Variants in MIGA1 observed in about 807,000 individuals in gnomAD.
MIGA1 encodes the protein mitoguardin 1.
Under a neutral mutation model 82.0 loss-of-function variants are expected in MIGA1, and 58 were observed. The observed-to-expected ratio is 0.71, with a 90% CI of 0.57 to 0.88. MIGA1 has a LOEUF of 0.88. Among genes scored for constraint, MIGA1 ranks in the 40% least tolerant of loss-of-function variants. MIGA1 has a pLI of 0.00. For missense variants in MIGA1, 751 were observed against 749.1 expected (o/e 1.00, Z -0.03); for synonymous variants, 249 against 253.6 (o/e 0.98, Z 0.17).
intron 7 of MIGA1, among the ~76,000 whole-genome samples, chr1:77,840,874 G>A (rs1283490850): frequency 6.6e-6 from 1 of 152,092 alleles, no homozygotes; most frequent in Non-Finnish European, 1.5e-5. Context: ...ATGACATAAT[G>A]AAAATTGTAA....
intron 8 of MIGA1, among the ~76,000 whole-genome samples, chr1:77,844,430 G>C (rs1684763335): frequency 6.6e-6 from 1 of 151,858 alleles, no homozygotes; most frequent in African/African-American, 2.4e-5. Flanking sequence ...TATATAGGCA[G>C]AGGAAAAAAG....
At position 77,803,356 on chromosome 1, in the gene MIGA1, A is replaced by G. The variant is rs1219096043; in HGVS notation, c.460A>G (p.Asn154Asp). Residue 154 changes from asparagine (N) to aspartate (D), a missense_variant, in exon 4 of 16, where the codon AAT (asparagine) becomes GAT (aspartate). Physicochemically the swap from Asn to Asp is conservative, Grantham distance 23. Coordinates refer to ENST00000370791, the MANE Select transcript of MIGA1 (RefSeq NM_198549.4). The stretch of plus-strand genomic sequence containing the variant: ...AGGATCTCAAGTTTGTAACTATGCT[A>G]ATGGAGGACTTTTCAGTAAATATTC... 4 of 1,566,720 alleles carry G rather than the reference A, an allele frequency of 2.6e-6. No individual in the cohort carries two copies. In the East Asian group the frequency reaches 9.3e-5, roughly 36 times the overall value.
At chr1:77,849,775 G>A (rs973131315) in intron 8 of MIGA1, among the ~76,000 whole-genome samples, 3 of 152,102 alleles carry the variant, frequency 2.0e-5, no homozygotes, top group African/African-American at 7.2e-5. Flanking sequence ...TGGTGCTCAC[G>A]CCTGTAATCC....
chr1:77,855,605 G>A (rs1685221004), intron 8 of MIGA1, among the ~76,000 whole-genome samples: 1 of 151,840 alleles, frequency 6.6e-6, no homozygotes, highest in South Asian at 2.1e-4. Context: ...GAGGTCTTTG[G>A]ACTCCTTGGT....
At chr1:77,786,594 A>G (rs979805697) in intron 2 of MIGA1, among the ~76,000 whole-genome samples, 1 of 152,132 alleles carries the variant, frequency 6.6e-6, no homozygotes, top group Non-Finnish European at 1.5e-5. Context: ...CTCAAGTTCA[A>G]TGTTTCACAG....
rs762304055 is a variant in MIGA1, at chr1:77,874,884, T to A, written c.1719T>A (p.Phe573Leu). The A allele has an allele frequency of 8.8e-5, 142 of 1,613,970 alleles. No individual in the cohort carries two copies. Among genetic ancestry groups the A allele is most frequent in the Middle Eastern group, 3.3e-4 (2 of 6,084 alleles). ...TATTTCTCAAAGACATTTTTGACTTTGAGAAGGTGCGCTATTCAAGTACAG... is the reference window on the plus strand; with the variant it reads ...TATTTCTCAAAGACATTTTTGACTTAGAGAAGGTGCGCTATTCAAGTACAG... Residue 573 changes from phenylalanine to leucine, a missense_variant, in exon 16 of 16, where the codon TTT (phenylalanine) becomes TTA (leucine). Transcript: ENST00000370791.
At chr1:77,781,988 A>G (rs796926206) in intron 1 of MIGA1, among the ~76,000 whole-genome samples, 10 of 151,876 alleles carry the variant, frequency 6.6e-5, no homozygotes, top group African/African-American at 2.4e-4. Flanking sequence ...TGTAGCAAAT[A>G]ATTTTTTTTT....
intron 4 of MIGA1, 152 bp from the exon 5 acceptor site, chr1:77,806,823 A>AT (rs1448787298): frequency 3.9e-6 from 2 of 511,996 alleles, no homozygotes; most frequent in Non-Finnish European, 6.8e-6. Flanking sequence ...TCTAAGTTTG[A>AT]TTGATTATCA....
chr1:77,815,725 A>T (rs1324297447), intron 7 of MIGA1, among the ~76,000 whole-genome samples: 5 of 152,110 alleles, frequency 3.3e-5, no homozygotes, highest in South Asian at 4.1e-4. Context: ...GATACTTTTT[A>T]AAAAGTTTTT....
chr1:77,801,189 C>T lies in MIGA1; in HGVS notation c.196-142C>T, dbSNP rs1682866485. 3 of 550,802 alleles carry T rather than the reference C, an allele frequency of 5.4e-6. No individual in the cohort carries two copies. The South Asian group carries it at 1.0e-4, about 19-fold the overall frequency. 34.1% of individuals were successfully genotyped at this position (550,802 alleles called of 1,614,324 possible). On this transcript the variant is annotated intron_variant, in intron 2 of 15. Coordinates refer to ENST00000370791, the MANE Select transcript of MIGA1 (RefSeq NM_198549.4). ...TTTTTAAAAAATCAAATTGGGCTAG[C>T]TTGTCATTGAAAGAGTGAAATGATA...
rs1253329198 is a variant in MIGA1, at chr1:77,878,452, A to G, written c.*3388A>G. Reference sequence around the variant, plus strand: ...ATGTAACGGTTTCCATTTGCCTTAAAATTGGGTTAAATAGCAAAAGCAATG... The same window carrying G: ...ATGTAACGGTTTCCATTTGCCTTAAGATTGGGTTAAATAGCAAAAGCAATG... On this transcript the variant is annotated 3_prime_UTR_variant, in exon 16 of 16. Coordinates refer to ENST00000370791, the MANE Select transcript of MIGA1 (RefSeq NM_198549.4). The G allele has an allele frequency of 2.5e-5, 4 of 159,550 alleles. No homozygotes were observed. The highest frequency in any genetic ancestry group is 9.6e-5 in the African/African-American group (4 of 41,482). 9.9% of individuals were successfully genotyped at this position (159,550 alleles called of 1,614,324 possible). A position where few individuals can be genotyped will look rare whatever the true frequency, so the allele number is the denominator to read the frequency against.
rs566333140 is a variant in MIGA1, at chr1:77,873,315, G to A, written c.1680+195G>A. ...TTTATAATACCACTATTATTATAATGGACCAGTATTTTATAGATTTGGTGC... is the reference window on the plus strand; with the variant it reads ...TTTATAATACCACTATTATTATAATAGACCAGTATTTTATAGATTTGGTGC... On this transcript the variant is annotated intron_variant, in intron 15 of 15. Transcript: ENST00000370791. Among the ~76,000 whole-genome samples, 6 of 152,208 alleles carry A rather than the reference G, an allele frequency of 3.9e-5. No individual in the cohort carries two copies. The South Asian group carries it at 1.0e-3, about 26-fold the overall frequency.
chr1:77,786,223 T>A lies in MIGA1; in HGVS notation c.195+2872T>A, dbSNP rs956346563. On this transcript the variant is annotated intron_variant, in intron 2 of 15. Transcript: ENST00000370791. The stretch of plus-strand genomic sequence containing the variant: ...GCTGGGATGCAGGGCACCAAGTCCC[T>A]AGGCTGCACACAGCACGGGGACACT... Among the ~76,000 whole-genome samples the A allele has an allele frequency of 1.4e-4, 21 of 152,328 alleles. No individual in the cohort carries two copies. In the South Asian group the frequency reaches 2.3e-3, roughly 17 times the overall value.
At chr1:77,794,165 G>C (rs1682557789) in intron 2 of MIGA1, among the ~76,000 whole-genome samples, 1 of 152,072 alleles carries the variant, frequency 6.6e-6, no homozygotes, top group Non-Finnish European at 1.5e-5. Flanking sequence ...TGTATGCTTT[G>C]TATTAACATC....
chr1:77,872,632 C>T (rs1047017377), intron 14 of MIGA1, among the ~76,000 whole-genome samples: 17 of 152,102 alleles, frequency 1.1e-4, no homozygotes, highest in African/African-American at 4.1e-4. Context: ...AGAAATGTGT[C>T]TCAGCACATA....
rs781641875 is a variant in MIGA1, at chr1:77,858,948, A to G, written c.1007A>G (p.His336Arg). Reference sequence around the variant, plus strand: ...CCACCGTGCTCTTAGCTTGCAGAACACAGAGAAGTACGGCATACCTACAGC... The same window carrying G: ...CCACCGTGCTCTTAGCTTGCAGAACGCAGAGAAGTACGGCATACCTACAGC... Residue 336 changes from histidine to arginine, a missense_variant, in exon 9 of 16, where the codon CAC becomes CGC. Physicochemically the swap from His to Arg is conservative, Grantham distance 29 (BLOSUM62 0). Around this residue, in one of 3 missense-constraint regions of MIGA1, gnomAD observed 482 missense variants for 439.4 expected, o/e 1.10. Transcript: ENST00000370791. The G allele has an allele frequency of 9.2e-5, 148 of 1,608,518 alleles. No homozygotes were observed. Among genetic ancestry groups the G allele is most frequent in the Non-Finnish European group, 1.2e-4 (141 of 1,175,064 alleles).
intron 7 of MIGA1, among the ~76,000 whole-genome samples, chr1:77,831,798 G>T (rs1366442131): frequency 6.6e-6 from 1 of 152,182 alleles, no homozygotes; most frequent in Non-Finnish European, 1.5e-5. Context: ...TGCCAGTTTA[G>T]AAATAAACTG....
intron 15 of MIGA1, among the ~76,000 whole-genome samples, chr1:77,874,154 C>T (rs560196293): frequency 3.6e-4 from 55 of 152,116 alleles, no homozygotes; most frequent in African/African-American, 1.2e-3. Flanking sequence ...TCCTGTTTTT[C>T]GCTCTTTGAA....
At chr1:77,841,454 G>A (rs952628464) in intron 7 of MIGA1, among the ~76,000 whole-genome samples, 6 of 149,760 alleles carry the variant, frequency 4.0e-5, no homozygotes, top group African/African-American at 9.8e-5. Context: ...AATATATTCT[G>A]CTTCTATACT....
Sources: gnomAD v4.1 joint callset for allele counts (sites outside exome capture counted in the v4.1 genomes callset) on GRCh38, gnomAD v4.1.1 for gene constraint, gnomAD v4.1.1 regional missense constraint, MANE v1.5 for transcripts, NCBI Gene and HGNC (gene_info 2026-07-23, HGNC 2026-07-21) for gene names.